The following CNTN1 variants were observed in gnomAD, a reference collection of about 807,000 sequenced individuals.
The protein encoded by CNTN1 is contactin 1, also known as contactin-1.
CNTN1 carries 38 observed loss-of-function variants against 126.4 expected under a neutral mutation model. That is an observed-to-expected ratio of 0.30 (90% CI 0.23 to 0.39). The LOEUF (loss-of-function observed/expected upper bound fraction) is 0.39. Ranked by LOEUF, CNTN1 falls within the 10% of genes least tolerant of loss-of-function variation. The pLI, the probability that CNTN1 is intolerant of heterozygous loss-of-function variation, is 1.00. For missense variants in CNTN1, 1,009 were observed against 1,248.4 expected, an observed-to-expected ratio of 0.81 and a Z score of 2.89; for synonymous variants, 413 against 422.6, an observed-to-expected ratio of 0.98 and a Z score of 0.28.
chr12:41,047,341 T>G (rs1297887270), intron 23 of CNTN1, among the ~76,000 whole-genome samples: 2 of 152,150 alleles, frequency 1.3e-5, no homozygotes, highest in Non-Finnish European at 1.5e-5. Context: ...TAGAGTCTTC[T>G]GTAACTTCCA....
At chr12:40,740,860 T>C (rs1214356063) in intron 1 of CNTN1, among the ~76,000 whole-genome samples, 1 of 152,120 alleles carries the variant, frequency 6.6e-6, no homozygotes, top group East Asian at 1.9e-4. Context: ...CCATGTAAGA[T>C]GTGCTTTTGC....
At chr12:40,912,946 T>C (rs1351974448) in intron 3 of CNTN1, among the ~76,000 whole-genome samples, 1 of 152,114 alleles carries the variant, frequency 6.6e-6, no homozygotes, top group Non-Finnish European at 1.5e-5. Flanking sequence ...TATTAGGATG[T>C]AGTAAGACGT....
chr12:40,727,136 A>AT (rs1162481639), intron 1 of CNTN1, among the ~76,000 whole-genome samples: 6 of 151,210 alleles, frequency 4.0e-5, no homozygotes, highest in African/African-American at 1.5e-4. Flanking sequence ...GTGATACACT[A>AT]TAATAAATGT....
intron 14 of CNTN1, among the ~76,000 whole-genome samples, chr12:40,948,504 G>T (rs1221682157): frequency 6.6e-6 from 1 of 152,044 alleles, no homozygotes; most frequent in African/African-American, 2.4e-5. Flanking sequence ...CCTCTGTGGA[G>T]TGCATATTAT....
intron 1 of CNTN1, among the ~76,000 whole-genome samples, chr12:40,867,162 G>A (rs184650075): frequency 6.6e-6 from 1 of 152,216 alleles, no homozygotes; most frequent in East Asian, 1.9e-4. Flanking sequence ...GAGTTCAATC[G>A]TAAATCACTG....
chr12:40,784,328 T>C (rs1939921848), intron 1 of CNTN1, among the ~76,000 whole-genome samples: 1 of 152,104 alleles, frequency 6.6e-6, no homozygotes, highest in Non-Finnish European at 1.5e-5. Flanking sequence ...AGTACTTTAG[T>C]TAAATGCATT....
intron 1 of CNTN1, among the ~76,000 whole-genome samples, chr12:40,872,249 TGTGTGTGTGTG>T (rs1189860957): frequency 1.3e-5 from 2 of 148,864 alleles, no homozygotes; most frequent in African/African-American, 5.1e-5. Flanking sequence ...TGTGTGTGTG[TGTGTGTGTGTG>T]TTTTCCCTAT....
At chr12:40,764,358 T>G (rs1190576211) in intron 1 of CNTN1, among the ~76,000 whole-genome samples, 1 of 152,120 alleles carries the variant, frequency 6.6e-6, no homozygotes, top group East Asian at 1.9e-4. Flanking sequence ...AATGCTGAGA[T>G]GAACTAATGC....
intron 1 of CNTN1, among the ~76,000 whole-genome samples, chr12:40,904,396 T>C (rs10879342): frequency 0.63 from 93,409 of 148,408 alleles, 30,030 homozygotes; most frequent in African/African-American, 0.76. Context: ...CTTCCTTCCT[T>C]CTTCCCTCCC....
chr12:40,931,586 A>G (rs1289458242), intron 7 of CNTN1, among the ~76,000 whole-genome samples: 1 of 152,016 alleles, frequency 6.6e-6, no homozygotes, highest in Non-Finnish European at 1.5e-5. Flanking sequence ...TACATGTGTT[A>G]CTTCTCTCCA....
At chr12:40,904,340 C>T (rs1188755354) in intron 1 of CNTN1, among the ~76,000 whole-genome samples, 2 of 139,736 alleles carry the variant, frequency 1.4e-5, no homozygotes, top group Non-Finnish European at 1.5e-5. Flanking sequence ...CCTTCTCCTT[C>T]TTCTTCTTTT....
chr12:40,859,685 G>A (rs1229726400), intron 1 of CNTN1, among the ~76,000 whole-genome samples: 1 of 152,040 alleles, frequency 6.6e-6, no homozygotes, highest in Non-Finnish European at 1.5e-5. Flanking sequence ...CATTATGCTG[G>A]GGGTCAGGGC....
chr12:40,997,639 G>C (rs141363909), intron 17 of CNTN1, among the ~76,000 whole-genome samples: 2,463 of 152,238 alleles, frequency 0.016, 23 homozygotes, highest in Non-Finnish European at 0.023. Flanking sequence ...ATTAAAGATG[G>C]CAGCTTCTCC....
intron 3 of CNTN1, among the ~76,000 whole-genome samples, chr12:40,917,946 T>A (rs546834327): frequency 6.6e-6 from 1 of 152,304 alleles, no homozygotes; most frequent in South Asian, 2.1e-4. Flanking sequence ...GCTAGTCACA[T>A]GTTTAGAAAA....
intron 1 of CNTN1, among the ~76,000 whole-genome samples, chr12:40,775,899 G>T: frequency 6.6e-6 from 1 of 151,600 alleles, no homozygotes; most frequent in East Asian, 1.9e-4. Context: ...AAAACGTAGT[G>T]TAAGTAGTAT....
chr12:41,000,840 G>A (rs570312852), intron 17 of CNTN1, among the ~76,000 whole-genome samples: 4 of 152,190 alleles, frequency 2.6e-5, no homozygotes, highest in African/African-American at 9.6e-5. Flanking sequence ...GTGTCCAGGT[G>A]TTCTCATCAT....
At chr12:40,989,345 G>A (rs761311364) in intron 16 of CNTN1, among the ~76,000 whole-genome samples, 1 of 152,156 alleles carries the variant, frequency 6.6e-6, no homozygotes, top group Non-Finnish European at 1.5e-5. Flanking sequence ...GTAAAACCAT[G>A]TTTTTAAAAA....
intron 1 of CNTN1, among the ~76,000 whole-genome samples, chr12:40,709,762 C>T (rs1277166588): frequency 6.6e-6 from 1 of 152,148 alleles, no homozygotes; most frequent in Non-Finnish European, 1.5e-5. Flanking sequence ...CCTCTGCTAG[C>T]TTCCAGCTCT....
chr12:40,937,778 T>C (rs893547253), intron 11 of CNTN1, 91 bp downstream of exon 11: 4 of 816,264 alleles, frequency 4.9e-6, no homozygotes, highest in Non-Finnish European at 8.7e-6. Context: ...AAATACCCAG[T>C]ATTGTGTTAG....
Sources: gnomAD v4.1 joint callset for allele counts (sites outside exome capture counted in the v4.1 genomes callset) on GRCh38, gnomAD v4.1.1 for gene constraint, MANE v1.5 for transcripts, NCBI Gene and HGNC (gene_info 2026-07-23, HGNC 2026-07-21) for gene names.